The following S100Z variants were observed in gnomAD, a reference collection of about 807,000 sequenced individuals.
S100Z encodes S100 calcium binding protein Z.
Under a neutral mutation model 8.5 loss-of-function variants are expected in S100Z, and 11 were observed. The ratio of observed to expected loss-of-function variants is 1.30; its 90% CI spans 0.82 to 2.15. S100Z has a LOEUF of 2.15. Ranked by LOEUF, S100Z falls within the 30% of genes most tolerant of loss-of-function variation. The probability of loss-of-function intolerance (pLI) is 0.00; values close to 1 mark genes in which losing one functional copy is unlikely to be tolerated. For synonymous variants in S100Z, 34 were observed against 43.8 expected, an observed-to-expected ratio of 0.78 and a Z score of 0.89; for missense variants, 126 against 117.9, an observed-to-expected ratio of 1.07 and a Z score of -0.32.
At chr5:76,912,988 CA>C (rs1561250473) in intron 4 of S100Z, among the ~76,000 whole-genome samples, 3 of 151,790 alleles carry the variant, frequency 2.0e-5, no homozygotes, top group African/African-American at 7.3e-5. Context: ...CAGAAGGAGA[CA>C]AAGAAGAAGT....
At chr5:76,906,976 G>GTATATATATATATATATA (rs869046562) in intron 4 of S100Z, among the ~76,000 whole-genome samples, 1 of 21,784 alleles carries the variant, frequency 4.6e-5, no homozygotes, top group Non-Finnish European at 9.4e-5. Flanking sequence ...TTGTGTGTGT[G>GTATATATATATATATATA]TATATATATA....
chr5:76,857,296 A>AG (rs1180529715), intron 1 of S100Z, among the ~76,000 whole-genome samples: 7 of 152,144 alleles, frequency 4.6e-5, no homozygotes, highest in African/African-American at 1.7e-4. Flanking sequence ...ATCTCAAAAA[A>AG]AAGAAGAAAG....
intron 4 of S100Z, among the ~76,000 whole-genome samples, chr5:76,904,776 C>T (rs186520058): frequency 6.6e-6 from 1 of 151,966 alleles, no homozygotes; most frequent in African/African-American, 2.4e-5. Flanking sequence ...AACTCCTAGG[C>T]TCAAGTAATC....
chr5:76,897,547 C>T lies in S100Z; in HGVS notation c.*2+19713C>T, dbSNP rs1372470022. On this transcript the variant is annotated intron_variant, in intron 4 of 4. Coordinates refer to ENST00000317593, the MANE Select transcript of S100Z (RefSeq NM_130772.4). ...GTCATTGTTATCTTGATAAGGATTG[C>T]ATTGAATCCATAGATTGCTTTGGCT... 3.9e-5 allele frequency among the ~76,000 whole-genome samples: 6 copies of T among 152,064 alleles called. No individual in the cohort carries two copies. The South Asian group carries it at 1.0e-3, about 26-fold the overall frequency.
At chr5:76,875,003 G>A (rs1238766229) in intron 2 of S100Z, among the ~76,000 whole-genome samples, 1 of 151,972 alleles carries the variant, frequency 6.6e-6, no homozygotes, top group Non-Finnish European at 1.5e-5. Context: ...TCCTGCCTCA[G>A]CCTCCTGAGT....
chr5:76,930,315 G>T, the S100Z span, among the ~76,000 whole-genome samples: 1 of 152,202 alleles, frequency 6.6e-6, no homozygotes, highest in Non-Finnish European at 1.5e-5. Context: ...ATGCTCAGGC[G>T]TGGGCAGGTC....
the S100Z span, among the ~76,000 whole-genome samples, chr5:76,940,659 C>T: frequency 6.6e-6 from 1 of 152,146 alleles, no homozygotes. Context: ...GTGATCCACC[C>T]ACCACGGCCT....
intron 4 of S100Z, among the ~76,000 whole-genome samples, chr5:76,906,970 GTGTGTGTATATATATATATATA>G (rs1744446454): frequency 7.7e-5 from 2 of 26,058 alleles, no homozygotes; most frequent in African/African-American, 6.8e-4. Context: ...ATTCCATTGT[GTGTGTGTATATATATATATATA>G]TATATATATA....
intron 4 of S100Z, among the ~76,000 whole-genome samples, chr5:76,908,279 C>A (rs183337499): frequency 4.9e-4 from 75 of 152,282 alleles, no homozygotes; most frequent in African/African-American, 1.8e-3. Context: ...GCTTCGGGGT[C>A]CTGACAACAA....
chr5:76,936,237 T>C, the S100Z span, among the ~76,000 whole-genome samples: 2 of 152,088 alleles, frequency 1.3e-5, no homozygotes, highest in Admixed American at 1.3e-4. Flanking sequence ...AAAAAGTATA[T>C]TTAATGATAT....
downstream of S100Z, among the ~76,000 whole-genome samples, chr5:76,925,853 C>T (rs1418762184): frequency 1.3e-5 from 2 of 152,174 alleles, no homozygotes; most frequent in East Asian, 3.9e-4. Flanking sequence ...TGTAGTCCCA[C>T]CTACTCAGGA....
the S100Z span, among the ~76,000 whole-genome samples, chr5:76,938,606 A>G: frequency 6.6e-6 from 1 of 152,202 alleles, no homozygotes; most frequent in African/African-American, 2.4e-5. Context: ...TTAATTTATT[A>G]GTTTTTTAAT....
intron 1 of S100Z, among the ~76,000 whole-genome samples, chr5:76,860,276 A>G (rs1237951889): frequency 1.3e-5 from 2 of 152,218 alleles, no homozygotes; most frequent in African/African-American, 2.4e-5. Flanking sequence ...TGTAGCCAGT[A>G]TAGATGCTAC....
chr5:76,936,615 CTACACA>C, the S100Z span, among the ~76,000 whole-genome samples: 6 of 60,470 alleles, frequency 9.9e-5, no homozygotes, highest in Admixed American at 1.6e-4. Context: ...ATTAAAGTTC[CTACACA>C]CACACACACA....
the S100Z span, among the ~76,000 whole-genome samples, chr5:76,932,551 A>G: frequency 6.6e-6 from 1 of 152,126 alleles, no homozygotes; most frequent in African/African-American, 2.4e-5. Flanking sequence ...ATGGGGTTTC[A>G]TCATGTTGGC....
At position 76,850,056 on chromosome 5, in the gene S100Z, G is replaced by C. The variant is rs1407152295; in HGVS notation, c.-275G>C. On this transcript the variant is annotated 5_prime_UTR_variant, in exon 1 of 5. Coordinates refer to ENST00000317593, the MANE Select transcript of S100Z (RefSeq NM_130772.4). ...CTACTCACAGCAGGGCCTCTTGCTC[G>C]CTCTAGCTGCTGGGAGGAAAACGGC... 1.3e-5 allele frequency: 2 copies of C among 152,222 alleles called. No individual in the cohort carries two copies. Among genetic ancestry groups the C allele is most frequent in the Non-Finnish European group, 2.9e-5 (2 of 68,100 alleles). The allele number at this position is 152,222 out of a possible 1,614,324, so 9.4% of individuals were successfully genotyped here.
At chr5:76,850,940 AG>A (rs750333286) in intron 1 of S100Z, among the ~76,000 whole-genome samples, 1 of 152,162 alleles carries the variant, frequency 6.6e-6, no homozygotes, top group Non-Finnish European at 1.5e-5. Flanking sequence ...CTGCGATTAC[AG>A]GCATGAGCCA....
At chr5:76,855,840 C>A (rs1228331874) in intron 1 of S100Z, among the ~76,000 whole-genome samples, 2 of 152,122 alleles carry the variant, frequency 1.3e-5, no homozygotes, top group African/African-American at 4.8e-5. Context: ...TGGTTTGGAT[C>A]TGTGTCCCCA....
intron 4 of S100Z, among the ~76,000 whole-genome samples, chr5:76,918,752 T>C (rs1744937532): frequency 6.6e-6 from 1 of 152,230 alleles, no homozygotes; most frequent in Non-Finnish European, 1.5e-5. Flanking sequence ...GTACATTCTA[T>C]GGGTTTTGAC....
Sources: allele counts gnomAD v4.1 joint callset (sites outside exome capture counted in the v4.1 genomes callset), GRCh38; gene constraint gnomAD v4.1.1; transcripts MANE v1.5; gene names NCBI Gene and HGNC (gene_info 2026-07-23, HGNC 2026-07-21).